The following SYNPR variants were observed in gnomAD, a reference collection of about 807,000 sequenced individuals.
The protein encoded by SYNPR is synaptoporin.
In SYNPR, 23 loss-of-function variants were observed where a neutral mutation model predicts 32.9. The observed-to-expected ratio is 0.70, with a 90% CI of 0.50 to 0.99. The LOEUF is 0.99. Ranked by LOEUF, SYNPR falls within the 50% of genes least tolerant of loss-of-function variation. SYNPR has a pLI of 0.00. For synonymous variants in SYNPR, 146 were observed against 135.9 expected (o/e 1.07, Z -0.52); for missense variants, 318 against 349.3 (o/e 0.91, Z 0.71).
chr3:63,206,705 A>C, the SYNPR span, among the ~76,000 whole-genome samples: 1 of 152,254 alleles, frequency 6.6e-6, no homozygotes, highest in Non-Finnish European at 1.5e-5. Context: ...AAAAGGCATG[A>C]AAAGTATAAT....
intron 3 of SYNPR, among the ~76,000 whole-genome samples, chr3:63,268,759 C>T (rs1298086053): frequency 2.0e-5 from 3 of 152,074 alleles, no homozygotes; most frequent in African/African-American, 7.2e-5. Context: ...CAGTTCAAAC[C>T]CATGTTACTC....
chr3:63,261,865 C>A (rs79771678), intron 2 of SYNPR, among the ~76,000 whole-genome samples: 1 of 145,000 alleles, frequency 6.9e-6, no homozygotes, highest in Non-Finnish European at 1.5e-5. Flanking sequence ...CATCACACAC[C>A]GGGGACTGTC....
chr3:63,228,510 T>C (rs1422172967), intron 1 of SYNPR: 1 of 152,162 alleles, frequency 6.6e-6, no homozygotes, highest in Non-Finnish European at 1.5e-5. Flanking sequence ...AACTTCACAT[T>C]TGTGAAACTT....
chr3:63,380,732 G>A (rs1004196207), intron 2 of SYNPR, among the ~76,000 whole-genome samples: 1 of 152,142 alleles, frequency 6.6e-6, no homozygotes, highest in African/African-American at 2.4e-5. Context: ...TCCCTGGGAT[G>A]CAAGGCTGGT....
intron 2 of SYNPR, among the ~76,000 whole-genome samples, chr3:63,450,580 G>C (rs890399768): frequency 6.6e-6 from 1 of 152,138 alleles, no homozygotes; most frequent in Non-Finnish European, 1.5e-5. Context: ...AGATGTCTAG[G>C]TACCTGAGAC....
intron 4 of SYNPR, among the ~76,000 whole-genome samples, chr3:63,580,643 T>G (rs1209872089): frequency 1.3e-5 from 2 of 152,132 alleles, no homozygotes; most frequent in Admixed American, 6.6e-5. Context: ...AAACCTAGTG[T>G]ATTTTTCCAA....
intron 3 of SYNPR, among the ~76,000 whole-genome samples, chr3:63,273,182 G>T (rs938883570): frequency 2.6e-5 from 4 of 152,072 alleles, no homozygotes; most frequent in Non-Finnish European, 5.9e-5. Flanking sequence ...TTATGTTTCG[G>T]CAAGAAAAAT....
At chr3:63,279,253 A>G (rs764791192) in intron 2 of SYNPR, among the ~76,000 whole-genome samples, 3 of 152,166 alleles carry the variant, frequency 2.0e-5, no homozygotes, top group Non-Finnish European at 4.4e-5. Flanking sequence ...CGGGAGCTTC[A>G]GGGAGGGAAA....
intron 4 of SYNPR, among the ~76,000 whole-genome samples, chr3:63,564,259 C>T (rs1446540982): frequency 2.7e-5 from 4 of 147,854 alleles, no homozygotes; most frequent in Admixed American, 6.8e-5. Context: ...GTGGCACAGT[C>T]GATCTCGGCT....
chr3:63,421,239 T>C (rs1699793734), intron 2 of SYNPR, among the ~76,000 whole-genome samples: 1 of 152,110 alleles, frequency 6.6e-6, no homozygotes, highest in Admixed American at 6.5e-5. Context: ...TATGAAAAGA[T>C]AATTAACTTT....
At chr3:63,315,794 A>C (rs1023706042) in intron 2 of SYNPR, among the ~76,000 whole-genome samples, 2 of 151,934 alleles carry the variant, frequency 1.3e-5, no homozygotes, top group Non-Finnish European at 2.9e-5. Context: ...GAGTGGTGAG[A>C]GTGGGCATCC....
At chr3:63,280,878 T>C (rs1186846407) in intron 2 of SYNPR, among the ~76,000 whole-genome samples, 2 of 152,234 alleles carry the variant, frequency 1.3e-5, no homozygotes, top group Non-Finnish European at 1.5e-5. Flanking sequence ...AAGGGCTTTT[T>C]GCTTGTACCT....
chr3:63,278,595 G>C (rs1472837251), intron 1 of SYNPR, 44 bp downstream of exon 1: 3 of 1,550,572 alleles, frequency 1.9e-6, no homozygotes, highest in Non-Finnish European at 2.6e-6. Flanking sequence ...AGCAGGGGGC[G>C]GGGGATGCCG....
chr3:63,475,575 A>G (rs1331776945), intron 2 of SYNPR, among the ~76,000 whole-genome samples: 1 of 152,130 alleles, frequency 6.6e-6, no homozygotes, highest in Admixed American at 6.6e-5. Flanking sequence ...AGATGTGTGG[A>G]GCCTAGAATT....
At chr3:63,306,153 T>A (rs1239766963) in intron 2 of SYNPR, among the ~76,000 whole-genome samples, 2 of 152,008 alleles carry the variant, frequency 1.3e-5, no homozygotes, top group Non-Finnish European at 2.9e-5. Flanking sequence ...ACCTTCTTCA[T>A]CTTTTGTAAG....
rs892253002 is a variant in SYNPR at position 63,300,237 on chromosome 3, A to G, written c.84+21495A>G. ...TCTACCTTGCAAATTATACTTTGGC[A>G]ATTGGCTTTTTATAAAATTTATTAC... On this transcript the variant is annotated intron_variant, in intron 2 of 5. Coordinates refer to ENST00000478300, the MANE Select transcript of SYNPR (RefSeq NM_001130003.2). Among the ~76,000 whole-genome samples the G allele has an allele frequency of 2.6e-5, 4 of 152,082 alleles. 1 individual carries two copies. The South Asian group carries it at 8.3e-4, about 32-fold the overall frequency.
At chr3:63,263,981 C>T (rs1164780376) in intron 2 of SYNPR, among the ~76,000 whole-genome samples, 1 of 152,094 alleles carries the variant, frequency 6.6e-6, no homozygotes, top group East Asian at 1.9e-4. Flanking sequence ...ATTAATACAT[C>T]CCAATATTAC....
intron 2 of SYNPR, among the ~76,000 whole-genome samples, chr3:63,382,409 C>T (rs1200498924): frequency 6.6e-6 from 1 of 152,212 alleles, no homozygotes; most frequent in Non-Finnish European, 1.5e-5. Flanking sequence ...TCCCACTTGA[C>T]CTTTGCTGGC....
intron 2 of SYNPR, among the ~76,000 whole-genome samples, chr3:63,474,641 A>G (rs1700865851): frequency 6.6e-6 from 1 of 152,036 alleles, no homozygotes; most frequent in Non-Finnish European, 1.5e-5. Flanking sequence ...TGCACTGTGG[A>G]AACTGGCAAA....
Sources: allele counts gnomAD v4.1 joint callset (sites outside exome capture counted in the v4.1 genomes callset), GRCh38; gene constraint gnomAD v4.1.1; transcripts MANE v1.5; gene names NCBI Gene and HGNC (gene_info 2026-07-23, HGNC 2026-07-21).